AGBL4: variants seen among roughly 807,000 people sequenced by gnomAD.
AGBL4 encodes the protein cytosolic carboxypeptidase 6.
Under a neutral mutation model 66.4 loss-of-function variants are expected in AGBL4, and 58 were observed. The ratio of observed to expected loss-of-function variants is 0.87; its 90% CI spans 0.71 to 1.09. The LOEUF (loss-of-function observed/expected upper bound fraction) is 1.09. Among genes scored for constraint, AGBL4 ranks in the 50% least tolerant of loss-of-function variants. The pLI is 0.00. For synonymous variants in AGBL4, 234 were observed against 222.9 expected (o/e 1.05, Z -0.44); for missense variants, 579 against 631.0 (o/e 0.92, Z 0.88).
chr1:49,190,848 A>C (rs987749618), intron 4 of AGBL4, among the ~76,000 whole-genome samples: 11 of 152,152 alleles, frequency 7.2e-5, no homozygotes, highest in African/African-American at 2.4e-4. Context: ...TGTTCCTGAG[A>C]AGTGAAGAAG....
At chr1:49,746,598 T>TG (rs1250788363) in intron 2 of AGBL4, among the ~76,000 whole-genome samples, 1 of 152,046 alleles carries the variant, frequency 6.6e-6, no homozygotes, top group Non-Finnish European at 1.5e-5. Flanking sequence ...ACCATGACAT[T>TG]GTGTGGGAAG....
intron 3 of AGBL4, among the ~76,000 whole-genome samples, chr1:49,563,457 G>T (rs1027563415): frequency 2.0e-5 from 3 of 152,054 alleles, no homozygotes; most frequent in Non-Finnish European, 2.9e-5. Context: ...GTCACAGATA[G>T]CTCTTATTAT....
chr1:49,520,995 C>T (rs1239846061), intron 3 of AGBL4, among the ~76,000 whole-genome samples: 1 of 151,606 alleles, frequency 6.6e-6, no homozygotes, highest in African/African-American at 2.4e-5. Flanking sequence ...TTTTAGTAGA[C>T]ACGGGGTTTC....
intron 4 of AGBL4, among the ~76,000 whole-genome samples, chr1:49,126,284 C>A (rs1207001550): frequency 6.6e-6 from 1 of 152,132 alleles, no homozygotes; most frequent in Non-Finnish European, 1.5e-5. Context: ...CTAACTTGCC[C>A]AGGCTGCTGC....
At chr1:48,549,334 A>G (rs1644214876) in intron 11 of AGBL4, among the ~76,000 whole-genome samples, 2 of 152,216 alleles carry the variant, frequency 1.3e-5, no homozygotes, top group Admixed American at 1.3e-4. Context: ...CAAGTGCATG[A>G]CTAAACAGGT....
intron 3 of AGBL4, chr1:49,257,526 A>C (rs1217879170): frequency 1.3e-5 from 2 of 152,894 alleles, no homozygotes; most frequent in Non-Finnish European, 2.9e-5. Context: ...CCCGTCAGAA[A>C]AGCGCAGTAT....
At chr1:48,770,010 A>G (rs1332935331) in intron 6 of AGBL4, among the ~76,000 whole-genome samples, 1 of 152,070 alleles carries the variant, frequency 6.6e-6, no homozygotes, top group Non-Finnish European at 1.5e-5. Flanking sequence ...CCATCCTAAA[A>G]TACCCCTGAC....
intron 1 of AGBL4, among the ~76,000 whole-genome samples, chr1:49,951,491 C>T (rs1656154040): frequency 6.6e-6 from 1 of 151,966 alleles, no homozygotes; most frequent in South Asian, 2.1e-4. Context: ...TGTCCAGCAA[C>T]TGCCTGTCCA....
intron 3 of AGBL4, among the ~76,000 whole-genome samples, chr1:49,643,754 T>C (rs1367666567): frequency 1.3e-5 from 2 of 151,678 alleles, no homozygotes; most frequent in African/African-American, 4.8e-5. Context: ...AATATCTTTG[T>C]AAAAGACTTT....
intron 6 of AGBL4, among the ~76,000 whole-genome samples, chr1:48,830,993 T>G (rs573658519): frequency 1.8e-4 from 27 of 152,134 alleles, no homozygotes; most frequent in African/African-American, 6.5e-4. Context: ...ACCCAAATGG[T>G]TATATAATGT....
intron 4 of AGBL4, among the ~76,000 whole-genome samples, chr1:49,200,238 C>T (rs1647581383): frequency 6.6e-6 from 1 of 152,138 alleles, no homozygotes; most frequent in South Asian, 2.1e-4. Context: ...CACTTCTACC[C>T]TTATCTTCCT....
At chr1:48,652,724 A>C (rs1645951223) in intron 8 of AGBL4, among the ~76,000 whole-genome samples, 1 of 152,172 alleles carries the variant, frequency 6.6e-6, no homozygotes, top group Non-Finnish European at 1.5e-5. Context: ...TTTGGCAGAT[A>C]ATCTTCTGGG....
At chr1:49,160,928 C>T (rs112937126) in intron 4 of AGBL4, among the ~76,000 whole-genome samples, 6 of 152,302 alleles carry the variant, frequency 3.9e-5, no homozygotes, top group African/African-American at 1.2e-4. Flanking sequence ...CCCAGGTCAA[C>T]CTCAGACTGC....
intron 3 of AGBL4, among the ~76,000 whole-genome samples, chr1:49,320,996 G>A (rs139197060): frequency 6.6e-6 from 1 of 152,098 alleles, no homozygotes; most frequent in African/African-American, 2.4e-5. Context: ...CAGCATGGGG[G>A]AAACAGCCCT....
intron 3 of AGBL4, among the ~76,000 whole-genome samples, chr1:49,631,346 A>T (rs745962854): frequency 3.9e-5 from 6 of 152,130 alleles, no homozygotes; most frequent in Non-Finnish European, 5.9e-5. Flanking sequence ...GTCTCACTGG[A>T]TCTCACACTT....
At chr1:49,156,084 C>A (rs1396850977) in intron 4 of AGBL4, among the ~76,000 whole-genome samples, 3 of 152,182 alleles carry the variant, frequency 2.0e-5, no homozygotes, top group Admixed American at 6.5e-5. Flanking sequence ...TTTGCTACCA[C>A]TGCAGCTACA....
chr1:49,775,385 A>G (rs187005314), intron 2 of AGBL4, among the ~76,000 whole-genome samples: 35 of 152,250 alleles, frequency 2.3e-4, no homozygotes, highest in African/African-American at 7.5e-4. Context: ...AATTTTATCA[A>G]TTGTTCAAAA....
At chr1:49,948,199 AATATAAATATATAAATAT>A (rs1156344536) in intron 1 of AGBL4, among the ~76,000 whole-genome samples, 2 of 96,548 alleles carry the variant, frequency 2.1e-5, no homozygotes, top group African/African-American at 4.2e-5. Context: ...AATATATATA[AATATAAATATATAAATAT>A]ATATAAATAT....
downstream of AGBL4, among the ~76,000 whole-genome samples, chr1:48,530,101 T>C (rs1307966075): frequency 6.6e-6 from 1 of 152,222 alleles, no homozygotes; most frequent in South Asian, 2.1e-4. Context: ...TTTTTTGACC[T>C]GATTTTACCT....
Sources: allele counts gnomAD v4.1 joint callset (sites outside exome capture counted in the v4.1 genomes callset), GRCh38; gene constraint gnomAD v4.1.1; transcripts MANE v1.5; gene names NCBI Gene and HGNC (gene_info 2026-07-23, HGNC 2026-07-21).